THSD7B: variants seen among roughly 807,000 people sequenced by gnomAD.
THSD7B encodes thrombospondin type 1 domain containing 7B, also known as thrombospondin type-1 domain-containing protein 7B.
THSD7B carries 138 observed loss-of-function variants against 213.6 expected under a neutral mutation model. The observed-to-expected ratio is 0.65, with a 90% CI of 0.56 to 0.74. The LOEUF (loss-of-function observed/expected upper bound fraction) is 0.74. Among genes scored for constraint, THSD7B ranks in the 30% least tolerant of loss-of-function variants. The pLI is 0.00. For missense variants in THSD7B, 1,931 were observed against 1,991.5 expected, an observed-to-expected ratio of 0.97 and a Z score of 0.58; for synonymous variants, 742 against 687.0, an observed-to-expected ratio of 1.08 and a Z score of -1.25.
intron 12 of THSD7B, among the ~76,000 whole-genome samples, chr2:137,291,392 C>T (rs1488274380): frequency 6.6e-6 from 1 of 152,126 alleles, no homozygotes; most frequent in African/African-American, 2.4e-5. Flanking sequence ...CCTTATTCGT[C>T]TTTATATCCC....
chr2:136,999,902 T>G (rs1321016430), intron 2 of THSD7B, among the ~76,000 whole-genome samples: 5 of 152,192 alleles, frequency 3.3e-5, no homozygotes, highest in African/African-American at 1.2e-4. Context: ...TGGAAATGGA[T>G]GGAGAGCAGT....
chr2:136,935,977 T>C (rs532145220), intron 2 of THSD7B, among the ~76,000 whole-genome samples: 40 of 148,028 alleles, frequency 2.7e-4, no homozygotes, highest in Non-Finnish European at 5.2e-4. Flanking sequence ...AAATATATTA[T>C]CTATATATTT....
chr2:136,868,387 A>G (rs528803896), intron 1 of THSD7B, among the ~76,000 whole-genome samples: 1 of 152,330 alleles, frequency 6.6e-6, no homozygotes, highest in African/African-American at 2.4e-5. Context: ...GTCAATGCCT[A>G]GACATAATAA....
rs181228206 is a variant in THSD7B, at chr2:137,330,788, A to C, written c.2500+54762A>C. 2.8e-4 allele frequency among the ~76,000 whole-genome samples: 42 copies of C among 152,170 alleles called. No individual in the cohort carries two copies. In the East Asian group the frequency reaches 8.0e-3, roughly 29 times the overall value. On this transcript the variant is annotated intron_variant, in intron 12 of 27. Transcript: ENST00000409968. ...AAGAACAAAGCTTCCACAGTGTGGAAGGGGCCCCAAGCGGGTTGCCACTGC... is the reference window on the plus strand; with the variant it reads ...AAGAACAAAGCTTCCACAGTGTGGACGGGGCCCCAAGCGGGTTGCCACTGC...
At chr2:137,076,414 G>A (rs1479850969) in intron 3 of THSD7B, among the ~76,000 whole-genome samples, 4 of 152,248 alleles carry the variant, frequency 2.6e-5, no homozygotes, top group Non-Finnish European at 5.9e-5. Context: ...ATCTCCTGGT[G>A]TGCCGTTTTT....
chr2:137,673,208 T>C (rs912322945), intron 27 of THSD7B, among the ~76,000 whole-genome samples: 5 of 152,214 alleles, frequency 3.3e-5, no homozygotes, highest in African/African-American at 1.2e-4. Flanking sequence ...CTCACTTTTC[T>C]GGCTTAATTC....
rs534445460 is a variant in THSD7B, at chr2:137,291,821, A to G, written c.2500+15795A>G. 2.5e-4 allele frequency among the ~76,000 whole-genome samples: 38 copies of G among 152,282 alleles called. 2 individuals are homozygous for G. The South Asian group carries it at 7.5e-3, about 30-fold the overall frequency. Reference sequence around the variant, plus strand: ...TGCCAGGATTATGAATCAAATTTATATAATTTCTCAGGTGCCACTCTATGA... The same window carrying G: ...TGCCAGGATTATGAATCAAATTTATGTAATTTCTCAGGTGCCACTCTATGA... On this transcript the variant is annotated intron_variant, in intron 12 of 27. Transcript: ENST00000409968.
intron 12 of THSD7B, among the ~76,000 whole-genome samples, chr2:137,399,282 T>C (rs944236451): frequency 1.3e-5 from 2 of 150,238 alleles, no homozygotes; most frequent in Non-Finnish European, 3.0e-5. Flanking sequence ...AGCATCCACC[T>C]CCTGGATTCA....
rs568288204 is a variant in THSD7B, at chr2:136,875,329, C to T, written c.-35-6815C>T. Among the ~76,000 whole-genome samples, 18 of 152,164 alleles carry T rather than the reference C, an allele frequency of 1.2e-4. No homozygotes were observed. In the East Asian group the frequency reaches 2.7e-3, roughly 23 times the overall value. ...CCCAGCTGCTCGGGAGGCTGAGACA[C>T]GAGAATTGCTTGAACCTGGGAGGAG... On this transcript the variant is annotated intron_variant, in intron 1 of 27. Coordinates refer to ENST00000409968, the MANE Select transcript of THSD7B (RefSeq NM_001316349.2).
intron 1 of THSD7B, among the ~76,000 whole-genome samples, chr2:136,818,390 A>C (rs1682514171): frequency 6.9e-6 from 1 of 144,834 alleles, no homozygotes; most frequent in Admixed American, 7.0e-5. Flanking sequence ...CACTCTGGGG[A>C]CTGTTGTGGG....
At chr2:137,589,828 C>G (rs1681825833) in intron 17 of THSD7B, among the ~76,000 whole-genome samples, 1 of 152,132 alleles carries the variant, frequency 6.6e-6, no homozygotes, top group African/African-American at 2.4e-5. Flanking sequence ...ATTGGACATC[C>G]TTGCATTCCT....
chr2:137,327,578 C>T, intron 12 of THSD7B, among the ~76,000 whole-genome samples: 1 of 151,876 alleles, frequency 6.6e-6, no homozygotes, highest in East Asian at 1.9e-4. Context: ...TTTTGTACTC[C>T]CCATCTTGCT....
chr2:137,082,366 G>T (rs970261448), intron 3 of THSD7B, among the ~76,000 whole-genome samples: 23 of 152,036 alleles, frequency 1.5e-4, no homozygotes, highest in Admixed American at 9.8e-4. Context: ...GTGTGGTTTG[G>T]TTTGCTCTGC....
rs531688897 is a variant in THSD7B, at chr2:136,821,865, T to C, written c.-36+56178T>C. ...TTTAACTGTGGATCTCCTTGCTCTG[T>C]TGCAAACTTTAGAAACACAGAGCTT... On this transcript the variant is annotated intron_variant, in intron 1 of 27. Coordinates refer to ENST00000409968, the MANE Select transcript of THSD7B (RefSeq NM_001316349.2). 1.6e-4 allele frequency among the ~76,000 whole-genome samples: 24 copies of C among 152,312 alleles called. No individual in the cohort carries two copies. In the South Asian group the frequency reaches 5.0e-3, roughly 32 times the overall value.
intron 1 of THSD7B, among the ~76,000 whole-genome samples, chr2:136,783,212 A>G (rs967919021): frequency 6.6e-6 from 1 of 152,188 alleles, no homozygotes; most frequent in African/African-American, 2.4e-5. Context: ...TTGTTTTCTC[A>G]GGACCCTTAT....
At chr2:136,985,302 G>A (rs1685651245) in intron 2 of THSD7B, among the ~76,000 whole-genome samples, 1 of 152,148 alleles carries the variant, frequency 6.6e-6, no homozygotes. Context: ...TCTCATCACA[G>A]CCCCAGAGAC....
At chr2:137,075,520 C>T (rs1253468179) in intron 3 of THSD7B, among the ~76,000 whole-genome samples, 1 of 152,066 alleles carries the variant, frequency 6.6e-6, no homozygotes, top group Non-Finnish European at 1.5e-5. Flanking sequence ...ACTTCTTTCC[C>T]ATTGGTTCGA....
chr2:136,988,486 G>A (rs550972174), intron 2 of THSD7B, among the ~76,000 whole-genome samples: 1 of 152,182 alleles, frequency 6.6e-6, no homozygotes, highest in Non-Finnish European at 1.5e-5. Flanking sequence ...TCCAACCAGC[G>A]TGTGATCTTG....
chr2:137,295,528 G>A (rs1683440977), intron 12 of THSD7B, among the ~76,000 whole-genome samples: 1 of 152,024 alleles, frequency 6.6e-6, no homozygotes, highest in Admixed American at 6.6e-5. Context: ...CAGGCTAGAG[G>A]GCAGTGGTGT....
Sources: gnomAD v4.1 joint callset for allele counts (sites outside exome capture counted in the v4.1 genomes callset) on GRCh38, gnomAD v4.1.1 for gene constraint, MANE v1.5 for transcripts, NCBI Gene and HGNC (gene_info 2026-07-23, HGNC 2026-07-21) for gene names.